ZFYVE28: variants seen among roughly 807,000 people sequenced by gnomAD.
ZFYVE28 encodes lateral signaling target protein 2 homolog.
Under a neutral mutation model 82.1 loss-of-function variants are expected in ZFYVE28, and 40 were observed. That is an observed-to-expected ratio of 0.49 (90% confidence interval 0.38 to 0.63). ZFYVE28 has a LOEUF of 0.63. ZFYVE28 is among the 30% of genes least tolerant of loss of function. ZFYVE28 has a pLI of 0.00. For synonymous variants in ZFYVE28, 612 were observed against 546.1 expected, an observed-to-expected ratio of 1.12 and a Z score of -1.68; for missense variants, 1,321 against 1,242.1, an observed-to-expected ratio of 1.06 and a Z score of -0.96.
intron 1 of ZFYVE28, among the ~76,000 whole-genome samples, chr4:2,389,271 C>T (rs1415365193): frequency 6.6e-6 from 1 of 152,212 alleles, no homozygotes; most frequent in Non-Finnish European, 1.5e-5. Context: ...ATTTGGAGCA[C>T]CCAGAGCCTA....
intron 1 of ZFYVE28, among the ~76,000 whole-genome samples, chr4:2,404,194 T>C (rs1350215897): frequency 2.0e-5 from 3 of 148,806 alleles, no homozygotes; most frequent in East Asian, 4.0e-4. Context: ...TGGTGGTGGG[T>C]GCCTGTAGTC....
At chr4:2,397,910 C>CG (rs1730652968) in intron 1 of ZFYVE28, among the ~76,000 whole-genome samples, 1 of 151,640 alleles carries the variant, frequency 6.6e-6, no homozygotes, top group Non-Finnish European at 1.5e-5. Context: ...ACAGGATGTG[C>CG]GGAAGGATGT....
At chr4:2,399,094 C>G (rs28453372) in intron 1 of ZFYVE28, among the ~76,000 whole-genome samples, 12,918 of 44,178 alleles carry the variant, frequency 0.29, 1,760 homozygotes, top group African/African-American at 0.47. Context: ...AGGTGAGATC[C>G]AGGGCACAAG....
Position 2,304,313 on chromosome 4 carries a change from G to A in ZFYVE28, c.2027C>T (p.Ala676Val), listed in dbSNP as rs760463918. Reference sequence around the variant, plus strand: ...CCTGGAGCCCGACAGGGCCTGAGGCGCCTCGTGAGCCGAGGGGCTCCCAGC... The same window carrying A: ...CCTGGAGCCCGACAGGGCCTGAGGCACCTCGTGAGCCGAGGGGCTCCCAGC... ...LHAGSPSAHE[A>V]PQALSGSSSS... Residue 676 changes from alanine (A) to valine (V), a missense_variant, in exon 8 of 13, where the codon GCG becomes GTG. Coordinates refer to ENST00000290974, the MANE Select transcript of ZFYVE28 (RefSeq NM_020972.3). 7.7e-5 allele frequency: 122 copies of A among 1,594,596 alleles called. No individual in the cohort carries two copies. The highest frequency in any genetic ancestry group is 1.3e-4 in the African/African-American group (10 of 74,576).
At chr4:2,307,002 C>G (rs914067809) in intron 7 of ZFYVE28, 1 of 152,298 alleles carries the variant, frequency 6.6e-6, no homozygotes, top group African/African-American at 2.4e-5. Flanking sequence ...CAGAGGGGAG[C>G]AGCCGGGATC....
At chr4:2,407,678 C>A (rs1274233175) in intron 1 of ZFYVE28, among the ~76,000 whole-genome samples, 1 of 152,126 alleles carries the variant, frequency 6.6e-6, no homozygotes, top group Non-Finnish European at 1.5e-5. Flanking sequence ...GCAACCTCTG[C>A]CTCCCAGATT....
At chr4:2,301,226 C>T (rs537877827) in intron 8 of ZFYVE28, among the ~76,000 whole-genome samples, 33 of 152,166 alleles carry the variant, frequency 2.2e-4, no homozygotes, top group Non-Finnish European at 2.8e-4. Context: ...CCAGCCACCC[C>T]GGAACATGCT....
intron 7 of ZFYVE28, among the ~76,000 whole-genome samples, chr4:2,314,319 G>A (rs1219982568): frequency 6.6e-6 from 1 of 152,212 alleles, no homozygotes. Context: ...GCCAAGTACA[G>A]CTGTTGTTGC....
intron 1 of ZFYVE28, chr4:2,364,436 C>T: frequency 2.0e-6 from 2 of 985,492 alleles, no homozygotes; most frequent in Non-Finnish European, 2.4e-6. Flanking sequence ...AGCAAACTGC[C>T]AGGAAAGGCT....
At chr4:2,366,651 G>C (rs1726922525) in intron 1 of ZFYVE28, among the ~76,000 whole-genome samples, 3 of 152,244 alleles carry the variant, frequency 2.0e-5, no homozygotes, top group Admixed American at 1.3e-4. Flanking sequence ...GTTCCACGCA[G>C]CTAGAGGCCT....
At chr4:2,352,236 G>A (rs79460114) in intron 2 of ZFYVE28, among the ~76,000 whole-genome samples, 176 of 152,230 alleles carry the variant, frequency 1.2e-3, no homozygotes, top group African/African-American at 4.1e-3. Flanking sequence ...GAGGAACACC[G>A]GGGAGCACAC....
At chr4:2,352,320 C>T (rs1008428867) in intron 2 of ZFYVE28, among the ~76,000 whole-genome samples, 2 of 151,514 alleles carry the variant, frequency 1.3e-5, no homozygotes, top group Non-Finnish European at 2.9e-5. Flanking sequence ...AGGATGAGGC[C>T]GCCATGTCGG....
In ZFYVE28 at chr4:2,320,313, C is replaced by T. The variant is rs1481536543; in HGVS notation, c.702-42G>A. 6.6e-7 allele frequency: 1 copy of T among 1,518,370 alleles called. No individual in the cohort carries two copies. Among genetic ancestry groups the T allele is most frequent in the Non-Finnish European group, 8.9e-7 (1 of 1,121,566 alleles). 94.1% of individuals were successfully genotyped at this position (1,518,370 alleles called of 1,614,324 possible). ...AAAGCCAGGATGTCAGGCCCTGTGG[C>T]CCCCTGGGTGCCGCGGACGGCCCAA... On this transcript the variant is annotated intron_variant, in intron 6 of 12. Transcript: ENST00000290974. This position sits in a 1 kb window ranked among gnomAD's most constrained non-coding sequence, Gnocchi z 5.1.
intron 2 of ZFYVE28, among the ~76,000 whole-genome samples, chr4:2,346,585 G>A (rs1448972385): frequency 6.6e-6 from 1 of 152,056 alleles, no homozygotes; most frequent in Non-Finnish European, 1.5e-5. Context: ...AAAGTAAAAT[G>A]TATGGCAACA....
chr4:2,340,895 A>G (rs982817321), intron 3 of ZFYVE28, among the ~76,000 whole-genome samples: 1 of 152,022 alleles, frequency 6.6e-6, no homozygotes, highest in Non-Finnish European at 1.5e-5. Context: ...GGGACGGCAC[A>G]ATAGAGAGGG....
At chr4:2,384,209 C>T (rs149568959) in intron 1 of ZFYVE28, among the ~76,000 whole-genome samples, 140 of 152,254 alleles carry the variant, frequency 9.2e-4, no homozygotes, top group Non-Finnish European at 1.6e-3. Context: ...CCGGGTACTT[C>T]GACAAACGCT....
At chr4:2,313,045 CAAAT>C (rs1199649550) in intron 7 of ZFYVE28, among the ~76,000 whole-genome samples, 2 of 150,278 alleles carry the variant, frequency 1.3e-5, no homozygotes, top group Non-Finnish European at 3.0e-5. Context: ...GACTCTGTCT[CAAAT>C]AAATAAATAA....
chr4:2,358,072 T>A (rs4974677), intron 1 of ZFYVE28, among the ~76,000 whole-genome samples: 6 of 151,988 alleles, frequency 3.9e-5, no homozygotes, highest in Admixed American at 3.9e-4. Context: ...GAGCAAAGAA[T>A]GGGGTACTTG....
intron 1 of ZFYVE28, among the ~76,000 whole-genome samples, chr4:2,378,360 G>T (rs769179895): frequency 6.6e-6 from 1 of 152,078 alleles, no homozygotes; most frequent in East Asian, 1.9e-4. Flanking sequence ...AAAAAATATC[G>T]TTATCATAAC....
Sources: allele counts gnomAD v4.1 joint callset (sites outside exome capture counted in the v4.1 genomes callset), GRCh38; gene constraint gnomAD v4.1.1; non-coding constraint Gnocchi (gnomAD v3.1); transcripts MANE v1.5; gene names NCBI Gene and HGNC (gene_info 2026-07-23, HGNC 2026-07-21).